The following DPP10 variants were observed in gnomAD, a reference collection of about 807,000 sequenced individuals.
The protein encoded by DPP10 is inactive dipeptidyl peptidase 10.
DPP10 carries 33 observed loss-of-function variants against 120.9 expected under a neutral mutation model. The ratio of observed to expected loss-of-function variants is 0.27; its 90% CI spans 0.21 to 0.37. The LOEUF is 0.37. Ranked by LOEUF, DPP10 falls within the 10% of genes least tolerant of loss-of-function variation. DPP10 has a pLI of 1.00. For missense variants in DPP10, 816 were observed against 942.8 expected (o/e 0.87, Z 1.76); for synonymous variants, 337 against 326.1 (o/e 1.03, Z -0.36).
chr2:114,684,636 C>G (rs766390659), intron 1 of DPP10, among the ~76,000 whole-genome samples: 3 of 151,854 alleles, frequency 2.0e-5, no homozygotes, highest in Non-Finnish European at 4.4e-5. Flanking sequence ...AAAGCTGAGC[C>G]CTGTGCTCTG....
At chr2:115,516,996 G>A (rs924089223) in intron 4 of DPP10, among the ~76,000 whole-genome samples, 8 of 152,112 alleles carry the variant, frequency 5.3e-5, no homozygotes, top group Admixed American at 4.6e-4. Context: ...GAATAATAGA[G>A]CCTCTTACTC....
intron 3 of DPP10, among the ~76,000 whole-genome samples, chr2:115,443,147 A>G (rs973517391): frequency 6.6e-6 from 1 of 152,224 alleles, no homozygotes; most frequent in African/African-American, 2.4e-5. Context: ...AGACAGCCAC[A>G]TAATTTTCAT....
chr2:115,382,093 G>A (rs573998321), intron 3 of DPP10, among the ~76,000 whole-genome samples: 3 of 150,854 alleles, frequency 2.0e-5, no homozygotes, highest in Non-Finnish European at 3.0e-5. Context: ...AGTTCAGTTG[G>A]AGCTTCCCGG....
At chr2:115,634,572 T>C (rs1213987325) in intron 5 of DPP10, among the ~76,000 whole-genome samples, 1 of 152,184 alleles carries the variant, frequency 6.6e-6, no homozygotes, top group East Asian at 1.9e-4. Flanking sequence ...ACAGTAAAGA[T>C]GGCTGCCTTT....
chr2:115,126,323 A>AACCC (rs2050082123), intron 1 of DPP10, among the ~76,000 whole-genome samples: 1 of 151,970 alleles, frequency 6.6e-6, no homozygotes, highest in African/African-American at 2.4e-5. Context: ...CCTGGTCTTG[A>AACCC]ACCCCTAGGC....
chr2:114,674,605 G>A (rs1168700304), intron 1 of DPP10, among the ~76,000 whole-genome samples: 1 of 152,114 alleles, frequency 6.6e-6, no homozygotes, highest in Non-Finnish European at 1.5e-5. Context: ...TCCTAAAAAC[G>A]TGAGTCACGG....
intron 1 of DPP10, among the ~76,000 whole-genome samples, chr2:114,809,732 A>G (rs1175322125): frequency 6.6e-6 from 1 of 152,082 alleles, no homozygotes; most frequent in Non-Finnish European, 1.5e-5. Context: ...GTGACTCTTT[A>G]CCTGCATACG....
Position 115,842,960 on chromosome 2 carries a change from A to T in DPP10, c.*615A>T, listed in dbSNP as rs1690296614. On this transcript the variant is annotated 3_prime_UTR_variant, in exon 26 of 26. Coordinates refer to ENST00000410059, the MANE Select transcript of DPP10 (RefSeq NM_020868.6). Reference sequence around the variant, plus strand: ...TCAGCCAGTTATCAGTAGATACAATATCTTTAAATGAACACACGAGTGTAT... The same window carrying T: ...TCAGCCAGTTATCAGTAGATACAATTTCTTTAAATGAACACACGAGTGTAT... 1 of 152,714 alleles carries T rather than the reference A, an allele frequency of 6.5e-6. No individual in the cohort carries two copies. Among genetic ancestry groups the T allele is most frequent in the Non-Finnish European group, 1.5e-5 (1 of 68,090 alleles). The allele number at this position is 152,714 out of a possible 1,614,324, so 9.5% of individuals were successfully genotyped here. A position where few individuals can be genotyped will look rare whatever the true frequency, so the allele number is the denominator to read the frequency against.
chr2:115,590,492 T>A (rs879145187), intron 5 of DPP10, among the ~76,000 whole-genome samples: 1 of 152,208 alleles, frequency 6.6e-6, no homozygotes, highest in Non-Finnish European at 1.5e-5. Flanking sequence ...ACAAAGGACA[T>A]GAACTCATCC....
chr2:115,427,311 C>T (rs2070570248), intron 3 of DPP10, among the ~76,000 whole-genome samples: 1 of 152,244 alleles, frequency 6.6e-6, no homozygotes, highest in Non-Finnish European at 1.5e-5. Context: ...CCCCATAGCA[C>T]TACCCTGGTA....
intron 1 of DPP10, among the ~76,000 whole-genome samples, chr2:114,449,828 G>A (rs1001769100): frequency 4.6e-5 from 7 of 152,180 alleles, no homozygotes; most frequent in African/African-American, 1.7e-4. Flanking sequence ...TAAAAGCTGA[G>A]AATTTTATTT....
intron 3 of DPP10, among the ~76,000 whole-genome samples, chr2:115,431,801 A>G (rs1049623431): frequency 5.3e-5 from 8 of 151,842 alleles, no homozygotes; most frequent in African/African-American, 1.9e-4. Context: ...GTAGATCTGA[A>G]TTTAAAAGTA....
intron 1 of DPP10, among the ~76,000 whole-genome samples, chr2:115,003,555 G>T (rs987951914): frequency 1.3e-5 from 2 of 151,474 alleles, no homozygotes; most frequent in Admixed American, 6.6e-5. Flanking sequence ...AAACAGAAAA[G>T]AAGTAAATTT....
chr2:115,584,377 TAAA>T (rs2082168157), intron 5 of DPP10, among the ~76,000 whole-genome samples: 1 of 149,192 alleles, frequency 6.7e-6, no homozygotes, highest in Non-Finnish European at 1.5e-5. Flanking sequence ...AGCAATAAAA[TAAA>T]GAAGGGAGGG....
intron 1 of DPP10, among the ~76,000 whole-genome samples, chr2:115,281,686 G>A (rs868498179): frequency 3.3e-5 from 5 of 152,078 alleles, no homozygotes; most frequent in African/African-American, 9.7e-5. Context: ...GAAAATATAT[G>A]CAACAAATAT....
chr2:115,258,965 C>T (rs942876944), intron 1 of DPP10, among the ~76,000 whole-genome samples: 1 of 152,196 alleles, frequency 6.6e-6, no homozygotes, highest in Non-Finnish European at 1.5e-5. Flanking sequence ...CTGCCTGTAA[C>T]AGAACACCAA....
Position 114,888,529 on chromosome 2 carries a change from A to G in DPP10, c.61-420710A>G, listed in dbSNP as rs115450273. Among the ~76,000 whole-genome samples, 1,203 of 152,332 alleles carry G rather than the reference A, an allele frequency of 7.9e-3. 7 individuals are homozygous for G. The highest frequency in any genetic ancestry group is 0.027 in the African/African-American group (1,140 of 41,580). On this transcript the variant is annotated intron_variant, in intron 1 of 25. Transcript: ENST00000410059. ...TTTAGCGGCAAAAAAAATGATGATC[A>G]AAACACTTCCAGTTAACACAAAGAA...
intron 3 of DPP10, among the ~76,000 whole-genome samples, chr2:115,467,134 G>A (rs1341870070): frequency 6.6e-6 from 1 of 152,026 alleles, no homozygotes; most frequent in South Asian, 2.1e-4. Flanking sequence ...CAATAAAGAA[G>A]AAAAGCAGAA....
At chr2:115,265,849 C>A (rs1220140159) in intron 1 of DPP10, among the ~76,000 whole-genome samples, 2 of 150,796 alleles carry the variant, frequency 1.3e-5, no homozygotes, top group Non-Finnish European at 2.9e-5. Flanking sequence ...GAGGCTGAGG[C>A]AGGAGAATTG....
Sources: allele counts gnomAD v4.1 joint callset (sites outside exome capture counted in the v4.1 genomes callset), GRCh38; gene constraint gnomAD v4.1.1; transcripts MANE v1.5; gene names NCBI Gene and HGNC (gene_info 2026-07-23, HGNC 2026-07-21).